The following NPRL3 variants were observed in gnomAD, a reference collection of about 807,000 sequenced individuals.
NPRL3 encodes the protein NPR3 like, GATOR1 complex subunit.
NPRL3 carries 23 observed loss-of-function variants against 57.2 expected under a neutral mutation model. The observed-to-expected ratio is 0.40, with a 90% CI of 0.29 to 0.57. The LOEUF (loss-of-function observed/expected upper bound fraction) is 0.57, where lower values mean the gene tolerates loss of function less well. Ranked by LOEUF, NPRL3 falls within the 20% of genes least tolerant of loss-of-function variation. NPRL3 has a pLI of 0.42. For missense variants in NPRL3, 691 were observed against 767.1 expected, an observed-to-expected ratio of 0.90 and a Z score of 1.17; for synonymous variants, 333 against 321.1, an observed-to-expected ratio of 1.04 and a Z score of -0.39.
intron 9 of NPRL3, among the ~76,000 whole-genome samples, chr16:95,949 T>A (rs1341026249): frequency 6.6e-6 from 1 of 152,048 alleles, no homozygotes; most frequent in Non-Finnish European, 1.5e-5. Context: ...GGAAACAGAG[T>A]GACCCACCAG....
Position 112,610 on chromosome 16 carries a change from T to A in NPRL3, c.547+12A>T. ...GCCCAGACCCATGCCCATCACGCCCTGCTGCACTCACCATCAGCCATGGCG... is the reference window on the plus strand; with the variant it reads ...GCCCAGACCCATGCCCATCACGCCCAGCTGCACTCACCATCAGCCATGGCG... On this transcript the variant is annotated intron_variant, in intron 6 of 13. Coordinates refer to ENST00000611875, the MANE Select transcript of NPRL3 (RefSeq NM_001077350.3). 1 of 1,561,844 alleles carries A rather than the reference T, an allele frequency of 6.4e-7. No individual in the cohort carries two copies. Among genetic ancestry groups the A allele is most frequent in the South Asian group, 1.2e-5 (1 of 83,248 alleles).
At chr16:106,629 TA>T (rs763058746) in intron 7 of NPRL3, among the ~76,000 whole-genome samples, 20,829 of 59,826 alleles carry the variant, frequency 0.35, 2,372 homozygotes, top group Non-Finnish European at 0.42. Flanking sequence ...TGCCTTAAAT[TA>T]AAAAAAAAAA....
At position 89,693 on chromosome 16, in the gene NPRL3, C is replaced by T. The variant is rs1474643956; in HGVS notation, c.1351+20G>A. On this transcript the variant is annotated intron_variant, in intron 12 of 13. Transcript: ENST00000611875. Reference sequence around the variant, plus strand: ...CAAGCGTCTCCCCTGACTACCACAGCGGTGCCCTGGGGGTCCTACTTGGGG... The same window carrying T: ...CAAGCGTCTCCCCTGACTACCACAGTGGTGCCCTGGGGGTCCTACTTGGGG... 9.8e-6 allele frequency: 15 copies of T among 1,536,782 alleles called. No homozygotes were observed. Among genetic ancestry groups the T allele is most frequent in the African/African-American group, 6.9e-5 (5 of 72,002 alleles).
At chr16:130,454 A>G (rs939716689) in intron 3 of NPRL3, 68 bp downstream of exon 3, 2 of 1,439,274 alleles carry the variant, frequency 1.4e-6, no homozygotes, top group Non-Finnish European at 1.9e-6. Flanking sequence ...GGTGAATAGG[A>G]GGGTGGGGCT....
chr16:119,189 T>C lies in NPRL3; in HGVS notation c.255A>G (p.Glu85=). The change falls in exon 4 of 14, where the codon GAA becomes GAG. Residue 85 remains glutamate, a synonymous_variant. Coordinates refer to ENST00000611875, the MANE Select transcript of NPRL3 (RefSeq NM_001077350.3). ...TKSEMCGQKF[E]LKIDNVRFVG... is the part of the protein sequence containing the mutation. ...CAAATCGCACATTATCAATCTTCAG[T>C]TCAAATTTTTGGCCACACATTTCAG... 6.2e-7 allele frequency: 1 copy of C among 1,612,790 alleles called. No homozygotes were observed. Among genetic ancestry groups the C allele is most frequent in the Non-Finnish European group, 8.5e-7 (1 of 1,179,352 alleles).
rs1899780290 is a variant in NPRL3, at chr16:110,959, C to T, written c.548-353G>A. On this transcript the variant is annotated intron_variant, in intron 6 of 13. Coordinates refer to ENST00000611875, the MANE Select transcript of NPRL3 (RefSeq NM_001077350.3). ...TTTCATAAATTTCTAAAAATATATACATAGACTTAAAATAAAATTTCTTTT... is the reference window on the plus strand; with the variant it reads ...TTTCATAAATTTCTAAAAATATATATATAGACTTAAAATAAAATTTCTTTT... Among the ~76,000 whole-genome samples, 5 of 152,120 alleles carry T rather than the reference C, an allele frequency of 3.3e-5. No homozygotes were observed. In the South Asian group the frequency reaches 1.0e-3, roughly 32 times the overall value.
chr16:104,225 G>A (rs2238366), intron 7 of NPRL3, among the ~76,000 whole-genome samples: 2,370 of 152,128 alleles, frequency 0.016, 47 homozygotes, highest in East Asian at 0.061. Context: ...CCCAGGAGGC[G>A]GAGGTTGCAG....
At chr16:109,555 G>A (rs1468794891) in intron 7 of NPRL3, among the ~76,000 whole-genome samples, 5 of 152,112 alleles carry the variant, frequency 3.3e-5, no homozygotes, top group African/African-American at 4.8e-5. Flanking sequence ...AAACACTTTC[G>A]GACTCTCATG....
At chr16:123,965 AC>A (rs11284030) in intron 3 of NPRL3, among the ~76,000 whole-genome samples, 10,027 of 10,356 alleles carry the variant, frequency 0.97, 4,975 homozygotes, top group Middle Eastern at 1. Context: ...CACACTCCCC[AC>A]CGCTGAGAAA....
At chr16:130,260 G>A (rs1219046969) in intron 3 of NPRL3, among the ~76,000 whole-genome samples, 1 of 152,156 alleles carries the variant, frequency 6.6e-6, no homozygotes, top group East Asian at 1.9e-4. Flanking sequence ...AACATCTCAC[G>A]TGGACATGGC....
At chr16:137,036 C>T (rs532686501) in intron 2 of NPRL3, among the ~76,000 whole-genome samples, 16 of 142,156 alleles carry the variant, frequency 1.1e-4, no homozygotes, top group African/African-American at 4.3e-4. Flanking sequence ...GGCAAAACCC[C>T]ATCTCTACTA....
rs376550953 is a variant in NPRL3, at chr16:108,246, C to T, written c.629+2279G>A. Among the ~76,000 whole-genome samples, 724 of 152,192 alleles carry T rather than the reference C, an allele frequency of 4.8e-3. 7 individuals are homozygous for T. The highest frequency in any genetic ancestry group is 0.015 in the African/African-American group (634 of 41,510). On this transcript the variant is annotated intron_variant, in intron 7 of 13. Coordinates refer to ENST00000611875, the MANE Select transcript of NPRL3 (RefSeq NM_001077350.3). ...AAGAATGAACAAGGGATCTGAGCAG[C>T]GAGCTCACAGAAAAGACAGGTGGTT...
At chr16:92,767 C>G (rs748736790) in intron 10 of NPRL3, 42 bp from the exon 11 acceptor site, 14 of 1,606,798 alleles carry the variant, frequency 8.7e-6, no homozygotes, top group Admixed American at 1.7e-5. Flanking sequence ...GCAGACCCCC[C>G]CACCGTGTTC....
intron 5 of NPRL3, 22 bp from the exon 6 acceptor site, chr16:112,797 C>T (rs1165185025): frequency 6.4e-7 from 1 of 1,563,292 alleles, no homozygotes; most frequent in East Asian, 2.3e-5. Context: ...AGACCATACA[C>T]AGACTCAAAC....
At chr16:116,799 C>CA (rs1555443767) in intron 5 of NPRL3, among the ~76,000 whole-genome samples, 6 of 145,214 alleles carry the variant, frequency 4.1e-5, no homozygotes, top group Admixed American at 6.9e-5. Flanking sequence ...CCCCCCCCCC[C>CA]ACCGATCTCT....
chr16:126,454 T>C (rs1027785704), intron 3 of NPRL3: 3 of 149,088 alleles, frequency 2.0e-5, no homozygotes, highest in Admixed American at 6.7e-5. Flanking sequence ...TAATTAATAA[T>C]AATAATAATA....
rs201304972 is a variant in NPRL3 at position 134,684 on chromosome 16, AATT to A, written c.118+3463_118+3465del. Among the ~76,000 whole-genome samples, 44 of 118,696 alleles carry A rather than the reference AATT, an allele frequency of 3.7e-4. 1 individual carries two copies. The highest frequency in any genetic ancestry group is 1.3e-3 in the African/African-American group (41 of 30,914). The allele number at this position is 118,696 out of a possible 152,430, so 77.9% of individuals were successfully genotyped here. A position where few individuals can be genotyped will look rare whatever the true frequency, so the allele number is the denominator to read the frequency against. Reference sequence around the variant, plus strand: ...GGATAGTATAACATAAAGTCACAGTAATTATTATTATTTTTTTTTTTTTTTTTT... The same window carrying A: ...GGATAGTATAACATAAAGTCACAGTAATTATTATTTTTTTTTTTTTTTTTT... On this transcript the variant is annotated intron_variant, in intron 2 of 13. Coordinates refer to ENST00000611875, the MANE Select transcript of NPRL3 (RefSeq NM_001077350.3).
intron 9 of NPRL3, among the ~76,000 whole-genome samples, chr16:95,788 G>A (rs1345332029): frequency 6.6e-6 from 1 of 152,076 alleles, no homozygotes; most frequent in Non-Finnish European, 1.5e-5. Flanking sequence ...TAGGCTGGTC[G>A]TGACCTCCTG....
chr16:86,980 G>A (rs1898503781), intron 13 of NPRL3, 110 bp from the exon 14 acceptor site: 1 of 1,176,250 alleles, frequency 8.5e-7, no homozygotes, highest in African/African-American at 1.5e-5. Flanking sequence ...CCTGAACAGA[G>A]CTGGTGGTGA....
Sources: gnomAD v4.1 joint callset for allele counts (sites outside exome capture counted in the v4.1 genomes callset) on GRCh38, gnomAD v4.1.1 for gene constraint, MANE v1.5 for transcripts, NCBI Gene and HGNC (gene_info 2026-07-23, HGNC 2026-07-21) for gene names.